The following RNF180 variants were observed in gnomAD, a reference collection of about 807,000 sequenced individuals.
RNF180 encodes the protein ring finger protein 180.
In RNF180, 38 loss-of-function variants were observed where a neutral mutation model predicts 59.2. The ratio of observed to expected loss-of-function variants is 0.64; its 90% confidence interval spans 0.50 to 0.84. The LOEUF (loss-of-function observed/expected upper bound fraction) is 0.84, where lower values mean the gene tolerates loss of function less well. Ranked by LOEUF, RNF180 falls within the 40% of genes least tolerant of loss-of-function variation. The pLI is 0.00. For missense variants in RNF180, 705 were observed against 700.9 expected (o/e 1.01, Z -0.07); for synonymous variants, 262 against 240.3 (o/e 1.09, Z -0.84).
At chr5:64,167,812 TTCTC>T (rs1169124590) in intron 1 of RNF180, among the ~76,000 whole-genome samples, 1 of 152,182 alleles carries the variant, frequency 6.6e-6, no homozygotes, top group African/African-American at 2.4e-5. Flanking sequence ...ATAAACACAG[TTCTC>T]TCTCCCTTAT....
At chr5:64,226,930 C>G (rs1419900788) in intron 5 of RNF180, among the ~76,000 whole-genome samples, 1 of 152,132 alleles carries the variant, frequency 6.6e-6, no homozygotes, top group African/African-American at 2.4e-5. Context: ...TGCAAATTGC[C>G]AGGAAATTGC....
intron 5 of RNF180, among the ~76,000 whole-genome samples, chr5:64,304,271 A>T (rs900578019): frequency 1.3e-5 from 2 of 151,644 alleles, no homozygotes; most frequent in Non-Finnish European, 3.0e-5. Flanking sequence ...CAGTCCATGG[A>T]TCAAGGAGTA....
intron 5 of RNF180, among the ~76,000 whole-genome samples, chr5:64,243,047 C>A (rs911257413): frequency 1.3e-5 from 2 of 152,190 alleles, no homozygotes; most frequent in African/African-American, 4.8e-5. Flanking sequence ...AGGAACAGTG[C>A]ACTCTGGCCC....
At chr5:64,261,621 C>A (rs1466971942) in intron 5 of RNF180, among the ~76,000 whole-genome samples, 1 of 151,844 alleles carries the variant, frequency 6.6e-6, no homozygotes, top group Non-Finnish European at 1.5e-5. Flanking sequence ...ACTCACTGAC[C>A]CTCTCCCTAC....
intron 7 of RNF180, among the ~76,000 whole-genome samples, chr5:64,358,226 T>G (rs993278959): frequency 6.6e-6 from 1 of 151,806 alleles, no homozygotes; most frequent in African/African-American, 2.4e-5. Flanking sequence ...TGCTGGTTAT[T>G]GTGGCAGAGG....
chr5:64,357,564 T>C (rs1204864999), intron 7 of RNF180, among the ~76,000 whole-genome samples: 1 of 151,838 alleles, frequency 6.6e-6, no homozygotes, highest in African/African-American at 2.4e-5. Context: ...TAGGACAGTC[T>C]CAAAAATATG....
chr5:64,350,393 G>A (rs1213235346), intron 7 of RNF180, among the ~76,000 whole-genome samples: 3 of 151,998 alleles, frequency 2.0e-5, no homozygotes, highest in Admixed American at 6.6e-5. Context: ...AGTTTCCTTT[G>A]CAGAAGCTCT....
chr5:64,250,951 A>C (rs1281317869), intron 5 of RNF180, among the ~76,000 whole-genome samples: 1 of 152,166 alleles, frequency 6.6e-6, no homozygotes, highest in Non-Finnish European at 1.5e-5. Context: ...TAGATGCAAA[A>C]ATCCTCAGTA....
intron 1 of RNF180, among the ~76,000 whole-genome samples, chr5:64,170,953 T>C (rs1204854559): frequency 6.6e-6 from 1 of 152,236 alleles, no homozygotes; most frequent in Non-Finnish European, 1.5e-5. Context: ...CCTTTACCTG[T>C]TGGTGATAAC....
chr5:64,256,987 G>C (rs999547214), intron 5 of RNF180, among the ~76,000 whole-genome samples: 3 of 152,160 alleles, frequency 2.0e-5, no homozygotes, highest in African/African-American at 7.2e-5. Flanking sequence ...GTTCACTCCT[G>C]ATTTGGCTCT....
At chr5:64,203,003 G>A (rs139693379) in intron 2 of RNF180, among the ~76,000 whole-genome samples, 88 of 152,314 alleles carry the variant, frequency 5.8e-4, no homozygotes, top group Non-Finnish European at 1.2e-3. Context: ...GATATCATAT[G>A]ATGTCACTTC....
chr5:64,245,634 A>G (rs1408692131), intron 5 of RNF180, among the ~76,000 whole-genome samples: 1 of 152,224 alleles, frequency 6.6e-6, no homozygotes, highest in Non-Finnish European at 1.5e-5. Context: ...TTAGAGACCT[A>G]CAAAGAGACT....
intron 5 of RNF180, among the ~76,000 whole-genome samples, chr5:64,252,229 T>C (rs1308890148): frequency 6.6e-6 from 1 of 152,036 alleles, no homozygotes; most frequent in Non-Finnish European, 1.5e-5. Context: ...AATCCATGCA[T>C]GTACAGCCAG....
intron 1 of RNF180, among the ~76,000 whole-genome samples, chr5:64,175,756 T>C: frequency 6.6e-6 from 1 of 152,202 alleles, no homozygotes; most frequent in East Asian, 1.9e-4. Flanking sequence ...TCTTTCTATA[T>C]ATTTGCATCC....
intron 5 of RNF180, among the ~76,000 whole-genome samples, chr5:64,272,261 T>C (rs369213904): frequency 1.3e-5 from 2 of 152,170 alleles, no homozygotes; most frequent in African/African-American, 4.8e-5. Flanking sequence ...GGGAAGGCTT[T>C]CCAAATTGAA....
intron 1 of RNF180, among the ~76,000 whole-genome samples, chr5:64,187,844 A>G (rs1004058056): frequency 6.6e-6 from 1 of 152,182 alleles, no homozygotes; most frequent in Admixed American, 6.5e-5. Flanking sequence ...TTTACTTAAC[A>G]TAGGAATACT....
rs79741814 is a variant in RNF180 at position 64,257,915 on chromosome 5, C to T, written c.1227+40519C>T. Among the ~76,000 whole-genome samples the T allele has an allele frequency of 5.9e-5, 9 of 152,122 alleles. No individual in the cohort carries two copies. In the East Asian group the frequency reaches 9.7e-4, roughly 16 times the overall value. ...GTGTCAGATACTCTTCTCAGGGCCA[C>T]GGAAACAAAGAAAAGGACATAGTGC... On this transcript the variant is annotated intron_variant, in intron 5 of 7. Transcript: ENST00000389100.
chr5:64,198,689 G>A (rs1000583186), intron 1 of RNF180, among the ~76,000 whole-genome samples: 2 of 152,092 alleles, frequency 1.3e-5, no homozygotes, highest in Non-Finnish European at 2.9e-5. Flanking sequence ...AGGACCACTG[G>A]TTAAAAGGGA....
chr5:64,322,113 T>A (rs1469287738), intron 5 of RNF180, among the ~76,000 whole-genome samples: 1 of 152,072 alleles, frequency 6.6e-6, no homozygotes, highest in Non-Finnish European at 1.5e-5. Context: ...GATTTAATTA[T>A]GAAAACGCCA....
Sources: allele counts gnomAD v4.1 joint callset (sites outside exome capture counted in the v4.1 genomes callset), GRCh38; gene constraint gnomAD v4.1.1; transcripts MANE v1.5; gene names NCBI Gene and HGNC (gene_info 2026-07-23, HGNC 2026-07-21).